Variants in RBFOX1 observed in about 807,000 individuals in gnomAD.
The protein encoded by RBFOX1 is RNA binding fox-1 homolog 1.
Under a neutral mutation model 57.7 loss-of-function variants are expected in RBFOX1, and 8 were observed. The observed-to-expected ratio is 0.14, with a 90% CI of 0.08 to 0.25. RBFOX1 has a LOEUF of 0.25. Among genes scored for constraint, RBFOX1 ranks in the 10% least tolerant of loss-of-function variants. RBFOX1 has a pLI of 1.00. For missense variants in RBFOX1, 611 were observed against 548.5 expected (o/e 1.11, Z -1.14); for synonymous variants, 326 against 222.4 (o/e 1.47, Z -4.15).
intron 3 of RBFOX1, among the ~76,000 whole-genome samples, chr16:6,907,922 T>C (rs9941224): frequency 0.58 from 87,786 of 151,210 alleles, 28,096 homozygotes; most frequent in African/African-American, 0.83. Flanking sequence ...CTTGTAGATA[T>C]GTCACCTGAA....
At chr16:7,272,497 T>A (rs1330716821) in intron 4 of RBFOX1, among the ~76,000 whole-genome samples, 1 of 152,212 alleles carries the variant, frequency 6.6e-6, no homozygotes, top group Non-Finnish European at 1.5e-5. Context: ...GTTTCCCTAG[T>A]TTAGACATAT....
intron 2 of RBFOX1, among the ~76,000 whole-genome samples, chr16:6,552,448 C>A (rs1160809925): frequency 6.6e-6 from 1 of 152,112 alleles, no homozygotes; most frequent in Non-Finnish European, 1.5e-5. Context: ...ATGCCCAATT[C>A]ATGTGTTTGT....
intron 3 of RBFOX1, among the ~76,000 whole-genome samples, chr16:6,840,402 A>G (rs955387453): frequency 2.0e-5 from 3 of 152,158 alleles, no homozygotes; most frequent in Non-Finnish European, 4.4e-5. Context: ...TTCCTTCATT[A>G]AATGTTGAGT....
At chr16:6,383,580 C>G (rs1408250212) in intron 2 of RBFOX1, among the ~76,000 whole-genome samples, 1 of 152,110 alleles carries the variant, frequency 6.6e-6, no homozygotes, top group East Asian at 1.9e-4. Context: ...CGAGACTGGC[C>G]TGGCCAACAT....
intron 2 of RBFOX1, among the ~76,000 whole-genome samples, chr16:6,490,949 C>G (rs1446063794): frequency 6.6e-6 from 1 of 152,072 alleles, no homozygotes; most frequent in Non-Finnish European, 1.5e-5. Flanking sequence ...CCTATTTCAT[C>G]TAAGTGTTGG....
intron 15 of RBFOX1, chr16:7,709,576 C>G (rs1481951190): frequency 6.5e-7 from 1 of 1,529,472 alleles, no homozygotes; most frequent in Non-Finnish European, 8.8e-7. Flanking sequence ...AGCTGAGAAT[C>G]TGACTGCCTC....
intron 9 of RBFOX1, 26 bp from the exon 10 acceptor site, chr16:7,607,248 AAATGTGATAAT>A: frequency 1.3e-6 from 2 of 1,576,086 alleles, no homozygotes; most frequent in Non-Finnish European, 1.7e-6. Context: ...ATGTTGAATC[AAATGTGATAAT>A]AATGTTTTTG....
chr16:7,671,193 A>G (rs2215276), intron 13 of RBFOX1, among the ~76,000 whole-genome samples: 4,475 of 152,346 alleles, frequency 0.029, 163 homozygotes, highest in East Asian at 0.21. Flanking sequence ...GATATTCCAG[A>G]AAATTCCAAT....
At chr16:7,563,113 A>G (rs1305887285) in intron 5 of RBFOX1, among the ~76,000 whole-genome samples, 2 of 152,200 alleles carry the variant, frequency 1.3e-5, no homozygotes, top group African/African-American at 4.8e-5. Flanking sequence ...GATGGGCACA[A>G]TATTAGAATC....
intron 2 of RBFOX1, among the ~76,000 whole-genome samples, chr16:6,545,197 A>G (rs1477011414): frequency 6.6e-6 from 1 of 152,200 alleles, no homozygotes; most frequent in Non-Finnish European, 1.5e-5. Flanking sequence ...AAGCCTCCTA[A>G]CTGGTCTCCC....
At chr16:6,297,968 T>G (rs1463178041) in intron 1 of RBFOX1, among the ~76,000 whole-genome samples, 1 of 152,230 alleles carries the variant, frequency 6.6e-6, no homozygotes, top group East Asian at 1.9e-4. Flanking sequence ...CAATTCTGTG[T>G]GTGACCCAGT....
chr16:5,555,848 C>T (rs977748361), intron 2 of RBFOX1, among the ~76,000 whole-genome samples: 1 of 151,872 alleles, frequency 6.6e-6, no homozygotes, highest in African/African-American at 2.4e-5. Flanking sequence ...ATGGGAAAAC[C>T]CCATATCTAC....
At position 6,056,168 on chromosome 16, in the gene RBFOX1, G is replaced by T. The variant is rs549435020; in HGVS notation, c.-127+36176G>T. 5.9e-5 allele frequency among the ~76,000 whole-genome samples: 9 copies of T among 152,256 alleles called. No homozygotes were observed. The South Asian group carries it at 1.2e-3, about 21-fold the overall frequency. ...GTCATTTTTGTGTCAGCTCCCCAAGGTGTTTGTCAGTGTCTCTAATCTCCT... is the reference window on the plus strand; with the variant it reads ...GTCATTTTTGTGTCAGCTCCCCAAGTTGTTTGTCAGTGTCTCTAATCTCCT... On this transcript the variant is annotated intron_variant, in intron 1 of 15. Coordinates refer to ENST00000550418, the MANE Select transcript of RBFOX1 (RefSeq NM_018723.4).
chr16:7,670,438 C>A (rs2071021040), intron 13 of RBFOX1, among the ~76,000 whole-genome samples: 1 of 152,138 alleles, frequency 6.6e-6, no homozygotes, highest in Non-Finnish European at 1.5e-5. Flanking sequence ...AATGCTGAAG[C>A]CCTGAGCCCA....
chr16:5,365,543 C>T (rs892986591), intron 1 of RBFOX1, among the ~76,000 whole-genome samples: 3 of 152,128 alleles, frequency 2.0e-5, no homozygotes, highest in African/African-American at 7.2e-5. Flanking sequence ...GTGGCATGTG[C>T]CTGTAGTCCC....
At chr16:5,473,319 A>T (rs1268268840) in intron 2 of RBFOX1, among the ~76,000 whole-genome samples, 2 of 152,138 alleles carry the variant, frequency 1.3e-5, no homozygotes, top group African/African-American at 4.8e-5. Flanking sequence ...ACCTTACCTG[A>T]CACCTCATTA....
chr16:5,346,513 A>G (rs1480774435), intron 1 of RBFOX1, among the ~76,000 whole-genome samples: 2 of 152,222 alleles, frequency 1.3e-5, no homozygotes, highest in African/African-American at 4.8e-5. Context: ...GAGAACCGCA[A>G]GAGCAAAAGG....
In RBFOX1 at chr16:5,477,611, C is replaced by T. The variant is rs569232817; in HGVS notation, c.258+10357C>T. ...GGGTTCATTCTGATTTTTGTCTAGA[C>T]GATATTTGATCCATAGTCAGTATCT... is the stretch of plus-strand genomic sequence containing the variant. On this transcript the variant is annotated intron_variant, in intron 2 of 2. Transcript: ENST00000585867. Among the ~76,000 whole-genome samples the T allele has an allele frequency of 3.9e-5, 6 of 152,224 alleles. No individual in the cohort carries two copies. In the East Asian group the frequency reaches 5.8e-4, roughly 15 times the overall value.
intron 4 of RBFOX1, among the ~76,000 whole-genome samples, chr16:7,268,480 C>T (rs1274342258): frequency 6.6e-6 from 1 of 152,108 alleles, no homozygotes; most frequent in Non-Finnish European, 1.5e-5. Context: ...CTCAGGAGTG[C>T]CTGACACTCC....
Sources: gnomAD v4.1 joint callset for allele counts (sites outside exome capture counted in the v4.1 genomes callset) on GRCh38, gnomAD v4.1.1 for gene constraint, MANE v1.5 for transcripts, NCBI Gene and HGNC (gene_info 2026-07-23, HGNC 2026-07-21) for gene names.